Variants in GATC observed in about 807,000 individuals in gnomAD.
GATC encodes the protein glutamyl-tRNA(Gln) amidotransferase subunit C, mitochondrial.
Under a neutral mutation model 14.4 loss-of-function variants are expected in GATC, and 11 were observed. The observed-to-expected ratio is 0.77, with a 90% CI of 0.48 to 1.27. The LOEUF is 1.27. GATC is among the 50% of genes most tolerant of loss of function. GATC has a pLI of 0.00. For missense variants in GATC, 204 were observed against 183.0 expected (o/e 1.11, Z -0.66); for synonymous variants, 76 against 79.3 (o/e 0.96, Z 0.22).
At chr12:120,449,620 G>A (rs570664534) in intron 2 of GATC, among the ~76,000 whole-genome samples, 1 of 151,490 alleles carries the variant, frequency 6.6e-6, no homozygotes, top group South Asian at 2.1e-4. Context: ...GTTAATTTTT[G>A]TATTTTTAGT....
At chr12:120,457,572 C>CA (rs986683295) in intron 3 of GATC, among the ~76,000 whole-genome samples, 2 of 142,472 alleles carry the variant, frequency 1.4e-5, no homozygotes, top group Non-Finnish European at 3.1e-5. Context: ...CTGGGTACCA[C>CA]AAAAAAACCA....
chr12:120,456,052 A>C (rs939073302), intron 2 of GATC, among the ~76,000 whole-genome samples: 1 of 152,208 alleles, frequency 6.6e-6, no homozygotes, highest in Non-Finnish European at 1.5e-5. Flanking sequence ...CCTCTCTGAC[A>C]TGACTCAAAC....
chr12:120,446,476 A>G lies in GATC; in HGVS notation c.-5A>G, dbSNP rs756298995. On this transcript the variant is annotated 5_prime_UTR_variant, in exon 1 of 4. Transcript: ENST00000551765. ...GGCGCACTGCGGGGGCCAAGGAAGGAAGAAATGTGGTCGCGGTTGGTGTGG... is the reference window on the plus strand; with the variant it reads ...GGCGCACTGCGGGGGCCAAGGAAGGGAGAAATGTGGTCGCGGTTGGTGTGG... 1.9e-6 allele frequency: 3 copies of G among 1,607,326 alleles called. No individual in the cohort carries two copies. The highest frequency in any genetic ancestry group is 2.2e-5 in the East Asian group (1 of 44,718).
At chr12:120,453,308 G>C (rs1878099362) in intron 2 of GATC, among the ~76,000 whole-genome samples, 1 of 152,294 alleles carries the variant, frequency 6.6e-6, no homozygotes, top group East Asian at 1.9e-4. Flanking sequence ...TTAACCAGCA[G>C]GGACTTCTAG....
chr12:120,447,726 G>T (rs576956859), intron 2 of GATC, among the ~76,000 whole-genome samples: 4 of 152,102 alleles, frequency 2.6e-5, no homozygotes, highest in African/African-American at 9.6e-5. Flanking sequence ...AGCTCATTAT[G>T]TAGTTACTGT....
At chr12:120,448,834 C>T (rs1400198072) in intron 2 of GATC, among the ~76,000 whole-genome samples, 11 of 150,802 alleles carry the variant, frequency 7.3e-5, no homozygotes, top group Non-Finnish European at 1.6e-4. Context: ...TTAATAGAGA[C>T]GGGGTTTCAC....
Position 120,446,501 on chromosome 12 carries a change from GC to G in GATC, c.22del (p.Leu8TrpfsTer29). On this transcript the variant is annotated frameshift_variant, in exon 1 of 4. Coordinates refer to ENST00000551765, the MANE Select transcript of GATC (RefSeq NM_176818.3). LOFTEE classifies it high-confidence loss of function. ...AAGAAATGTGGTCGCGGTTGGTGTG[GC>G]TGGGCCTTCGGGCCCCTCTGGGCGG... is the stretch of plus-strand genomic sequence containing the variant. MWSRLVW[L>X]GLRAPLGGRQ... is the part of the protein sequence containing the mutation. The G allele has an allele frequency of 1.2e-6, 2 of 1,607,288 alleles. No individual in the cohort carries two copies. Among genetic ancestry groups the G allele is most frequent in the South Asian group, 2.2e-5 (2 of 90,700 alleles).
chr12:120,463,231 AG>A lies in GATC; in HGVS notation c.*3273del, dbSNP rs2137049148. 1 of 152,310 alleles carries A rather than the reference AG, an allele frequency of 6.6e-6. No individual in the cohort carries two copies. Among genetic ancestry groups the A allele is most frequent in the South Asian group, 2.1e-4 (1 of 4,818 alleles). The allele number at this position is 152,310 out of a possible 1,614,324, so 9.4% of individuals were successfully genotyped here. ...TGCTTTCCTACAAGGAAAGACATCA[AG>A]AACTACTGAGTCTGAAGGGTGACAT... On this transcript the variant is annotated 3_prime_UTR_variant, in exon 4 of 4. Transcript: ENST00000551765.
At chr12:120,456,428 T>A (rs1338746843) in intron 2 of GATC, among the ~76,000 whole-genome samples, 1 of 152,176 alleles carries the variant, frequency 6.6e-6, no homozygotes, top group Non-Finnish European at 1.5e-5. Flanking sequence ...TCCCAGTTGT[T>A]ACTTAGCAGC....
rs747037373 is a variant in GATC, at chr12:120,457,177, C to G, written c.356C>G (p.Pro119Arg). Residue 119 changes from proline (P) to arginine (R), a missense_variant and splice_region_variant, in exon 3 of 4, where the codon CCA becomes CGA. By Grantham distance (103) the Pro-to-Arg change is moderately radical. Coordinates refer to ENST00000551765, the MANE Select transcript of GATC (RefSeq NM_176818.3). ...RVVEEYFVAP[P>R]GNISLPKLDE... ...GTGGAGGAGTACTTTGTGGCCCCCCCAGGTACGTGCTGCCCAGAATGGTTT... is the reference window on the plus strand; with the variant it reads ...GTGGAGGAGTACTTTGTGGCCCCCCGAGGTACGTGCTGCCCAGAATGGTTT... The G allele has an allele frequency of 6.2e-7, 1 of 1,606,172 alleles. No homozygotes were observed. Among genetic ancestry groups the G allele is most frequent in the Admixed American group, 1.7e-5 (1 of 59,896 alleles).
At chr12:120,455,078 G>C (rs748641211) in intron 2 of GATC, 13 of 387,920 alleles carry the variant, frequency 3.4e-5, no homozygotes, top group Middle Eastern at 8.7e-4. Context: ...AGTAGAGACA[G>C]GGTTTCACCA....
In GATC at chr12:120,459,917, T is replaced by A; in HGVS notation, c.369T>A (p.Ser123=). 3 of 1,612,356 alleles carry A rather than the reference T, an allele frequency of 1.9e-6. No individual in the cohort carries two copies. The East Asian group carries it at 6.7e-5, about 36-fold the overall frequency. ...GTTATTTTCAAACAGGTAATATCTCTTTGCCAAAGCTGGATGAACAAGAGC... is the reference window on the plus strand; with the variant it reads ...GTTATTTTCAAACAGGTAATATCTCATTGCCAAAGCTGGATGAACAAGAGC... The part of the protein sequence containing the change: ...EYFVAPPGNI[S]LPKLDEQEPF... Residue 123 remains serine (S), a synonymous_variant, in exon 4 of 4, where the codon TCT becomes TCA. Coordinates refer to ENST00000551765, the MANE Select transcript of GATC (RefSeq NM_176818.3).
chr12:120,453,508 C>G (rs754432605), intron 2 of GATC, among the ~76,000 whole-genome samples: 41 of 151,984 alleles, frequency 2.7e-4, no homozygotes, highest in Non-Finnish European at 5.0e-4. Flanking sequence ...CTTACAGAAC[C>G]CTGATTGGGA....
chr12:120,456,489 A>C (rs1201211369), intron 2 of GATC, among the ~76,000 whole-genome samples: 1 of 152,180 alleles, frequency 6.6e-6, no homozygotes, highest in Non-Finnish European at 1.5e-5. Flanking sequence ...ATCTCTGCTT[A>C]GCTTTCCAGC....
chr12:120,457,740 G>C (rs1010280309), intron 3 of GATC, among the ~76,000 whole-genome samples: 1 of 152,024 alleles, frequency 6.6e-6, no homozygotes, highest in Non-Finnish European at 1.5e-5. Context: ...CCAGTAGCTG[G>C]GATTACAGGC....
At chr12:120,451,895 T>TTTTTTTTTTTTTA (rs1878062112) in intron 2 of GATC, among the ~76,000 whole-genome samples, 5 of 143,986 alleles carry the variant, frequency 3.5e-5, no homozygotes, top group Admixed American at 6.9e-5. Context: ...TTTTTTTTTT[T>TTTTTTTTTTTTTA]GAGCTGGAGT....
chr12:120,458,664 G>A (rs138111980), intron 3 of GATC, among the ~76,000 whole-genome samples: 26 of 152,168 alleles, frequency 1.7e-4, no homozygotes, highest in African/African-American at 6.0e-4. Context: ...TACCCCTCTG[G>A]GCATCTGGGA....
rs1016299647 is a variant in GATC at position 120,460,830 on chromosome 12, C to G, written c.*871C>G. 1 of 151,990 alleles carries G rather than the reference C, an allele frequency of 6.6e-6. No homozygotes were observed. 9.4% of individuals were successfully genotyped at this position (151,990 alleles called of 1,614,324 possible). On this transcript the variant is annotated 3_prime_UTR_variant, in exon 4 of 4. Transcript: ENST00000551765. ...ACCATCCTGGCTAATGCGGTGAAACCTCATCTCTACTAAAAATACAAAAAA... is the reference window on the plus strand; with the variant it reads ...ACCATCCTGGCTAATGCGGTGAAACGTCATCTCTACTAAAAATACAAAAAA...
At position 120,462,220 on chromosome 12, in the gene GATC, T is replaced by C. The variant is rs1878365499; in HGVS notation, c.*2261T>C. On this transcript the variant is annotated 3_prime_UTR_variant, in exon 4 of 4. Coordinates refer to ENST00000551765, the MANE Select transcript of GATC (RefSeq NM_176818.3). The stretch of plus-strand genomic sequence containing the variant: ...GGGAAAAAAATCAGAGCCAGAAGAA[T>C]AAGCAAACCAACATCTAACAATAAT... 16 of 1,533,774 alleles carry C rather than the reference T, an allele frequency of 1.0e-5. No homozygotes were observed. The South Asian group carries it at 1.7e-4, about 16-fold the overall frequency.
Sources: gnomAD v4.1 joint callset for allele counts (sites outside exome capture counted in the v4.1 genomes callset) on GRCh38, gnomAD v4.1.1 for gene constraint, MANE v1.5 for transcripts, NCBI Gene and HGNC (gene_info 2026-07-23, HGNC 2026-07-21) for gene names.